The following BCAS1 variants were observed in gnomAD, a reference collection of about 807,000 sequenced individuals.
BCAS1 encodes the protein breast carcinoma-amplified sequence 1.
A neutral mutation model predicts 65.4 loss-of-function variants in BCAS1; 46 were observed. The observed-to-expected ratio is 0.70, with a 90% CI of 0.55 to 0.90. BCAS1 has a LOEUF of 0.90. BCAS1 is among the 40% of genes least tolerant of loss of function. BCAS1 has a pLI of 0.00. For missense variants in BCAS1, 793 were observed against 771.2 expected (o/e 1.03, Z -0.33); for synonymous variants, 298 against 293.5 (o/e 1.02, Z -0.16).
At chr20:53,958,057 C>G (rs2089758123) in intron 10 of BCAS1, among the ~76,000 whole-genome samples, 1 of 152,090 alleles carries the variant, frequency 6.6e-6, no homozygotes, top group Admixed American at 6.5e-5. Context: ...ATTCCAGGAC[C>G]AGCAGCTTCA....
intron 3 of BCAS1, among the ~76,000 whole-genome samples, chr20:54,041,713 C>A (rs1201197315): frequency 6.6e-6 from 1 of 151,840 alleles, no homozygotes; most frequent in Non-Finnish European, 1.5e-5. Flanking sequence ...GAAACACTGT[C>A]TCTGCTAAAA....
intron 7 of BCAS1, among the ~76,000 whole-genome samples, chr20:53,986,899 A>G (rs903930716): frequency 6.6e-6 from 1 of 152,188 alleles, no homozygotes; most frequent in Non-Finnish European, 1.5e-5. Flanking sequence ...CAAAAAAAAT[A>G]TAGAATATGG....
chr20:54,023,845 T>C (rs1467475812), intron 4 of BCAS1, among the ~76,000 whole-genome samples: 1 of 152,228 alleles, frequency 6.6e-6, no homozygotes, highest in Non-Finnish European at 1.5e-5. Flanking sequence ...CTTGTGCCTT[T>C]GGTTATACAA....
intron 2 of BCAS1, among the ~76,000 whole-genome samples, chr20:54,058,421 G>A (rs1225035696): frequency 6.6e-6 from 1 of 151,928 alleles, no homozygotes; most frequent in African/African-American, 2.4e-5. Context: ...CCCGTCGCAC[G>A]GAGGGGACCC....
At chr20:54,041,171 G>C (rs1447023211) in intron 3 of BCAS1, among the ~76,000 whole-genome samples, 2 of 151,368 alleles carry the variant, frequency 1.3e-5, no homozygotes, top group Non-Finnish European at 3.0e-5. Flanking sequence ...GCCAGTGGCT[G>C]GGAATAGGGA....
Position 53,944,531 on chromosome 20 carries a change from A to C in BCAS1, c.*391T>G, listed in dbSNP as rs926813048. 1 of 201,554 alleles carries C rather than the reference A, an allele frequency of 5.0e-6. No homozygotes were observed. The highest frequency in any genetic ancestry group is 5.3e-5 in the Admixed American group (1 of 18,992). The allele number at this position is 201,554 out of a possible 1,614,324, so 12.5% of individuals were successfully genotyped here. ...ATGATGTTGGCCAGGCTAGTCTTGA[A>C]CTCCTGACCTCAGGTGATCCACCTG... On this transcript the variant is annotated 3_prime_UTR_variant, in exon 13 of 13. Coordinates refer to ENST00000688948, the MANE Select transcript of BCAS1 (RefSeq NM_001366298.2).
At chr20:54,003,367 C>T (rs2091107379) in intron 4 of BCAS1, among the ~76,000 whole-genome samples, 1 of 152,044 alleles carries the variant, frequency 6.6e-6, no homozygotes, top group Non-Finnish European at 1.5e-5. Context: ...GTACACTGTG[C>T]TCTCCAGCTT....
chr20:53,980,446 T>C (rs1401324558), intron 8 of BCAS1, among the ~76,000 whole-genome samples: 3 of 152,138 alleles, frequency 2.0e-5, no homozygotes, highest in Non-Finnish European at 4.4e-5. Context: ...CTGAAAAAAA[T>C]AGTAATGCTA....
intron 10 of BCAS1, 150 bp from the exon 11 acceptor site, chr20:53,957,647 G>C: frequency 1.5e-6 from 1 of 669,624 alleles, no homozygotes. Flanking sequence ...GTTACTCATT[G>C]GATATAGAGA....
intron 4 of BCAS1, among the ~76,000 whole-genome samples, chr20:53,999,646 T>C (rs2091008485): frequency 6.6e-6 from 1 of 152,192 alleles, no homozygotes; most frequent in Admixed American, 6.5e-5. Flanking sequence ...AAGTAGGCTG[T>C]TGCCTCAGGA....
At chr20:54,017,455 G>A (rs2091463973) in intron 4 of BCAS1, among the ~76,000 whole-genome samples, 1 of 151,154 alleles carries the variant, frequency 6.6e-6, no homozygotes, top group Admixed American at 6.6e-5. Flanking sequence ...GAGTGCAGTG[G>A]TGCGATCTCG....
intron 10 of BCAS1, 91 bp downstream of exon 10, chr20:53,966,815 T>C (rs1198797906): frequency 7.2e-6 from 9 of 1,252,328 alleles, no homozygotes; most frequent in Non-Finnish European, 1.0e-5. Flanking sequence ...CAGCTACAAT[T>C]ATGTCTCCTA....
At chr20:54,011,219 C>T (rs2091312417) in intron 4 of BCAS1, among the ~76,000 whole-genome samples, 2 of 151,816 alleles carry the variant, frequency 1.3e-5, no homozygotes, top group African/African-American at 4.8e-5. Flanking sequence ...AAAAAGAAAA[C>T]ATAATAAATT....
intron 12 of BCAS1, among the ~76,000 whole-genome samples, chr20:53,947,396 G>A (rs1400988898): frequency 1.3e-5 from 2 of 152,028 alleles, no homozygotes; most frequent in Non-Finnish European, 2.9e-5. Flanking sequence ...ATAGTTTTGG[G>A]GCATCAAGAG....
At chr20:53,999,981 C>T (rs1256992363) in intron 4 of BCAS1, among the ~76,000 whole-genome samples, 2 of 152,130 alleles carry the variant, frequency 1.3e-5, no homozygotes, top group East Asian at 1.9e-4. Context: ...CCCCTCACCT[C>T]GGCCTCCCAA....
chr20:54,044,780 G>A (rs1385066737), intron 3 of BCAS1, among the ~76,000 whole-genome samples: 3 of 150,462 alleles, frequency 2.0e-5, no homozygotes, highest in African/African-American at 7.4e-5. Context: ...GGAGGTTGCA[G>A]TGAGCTGAGA....
In BCAS1 at chr20:54,040,898, G is replaced by C. The variant is rs1286700476; in HGVS notation, c.143-11926C>G. On this transcript the variant is annotated intron_variant, in intron 3 of 12. Transcript: ENST00000688948. Reference sequence around the variant, plus strand: ...AACTTGTACACAAATGTCCATAGCAGCATTTTCATAATAGCTGAAAAGTGG... The same window carrying C: ...AACTTGTACACAAATGTCCATAGCACCATTTTCATAATAGCTGAAAAGTGG... Among the ~76,000 whole-genome samples the C allele has an allele frequency of 2.6e-5, 4 of 151,294 alleles. 1 individual carries two copies. The highest frequency in any genetic ancestry group is 3.0e-5 in the Non-Finnish European group (2 of 67,630).
intron 4 of BCAS1, among the ~76,000 whole-genome samples, chr20:54,017,130 A>C (rs2091455484): frequency 6.6e-6 from 1 of 152,158 alleles, no homozygotes; most frequent in African/African-American, 2.4e-5. Flanking sequence ...AAAGAAATCT[A>C]TCTAAGAAAG....
chr20:54,058,123 A>C lies in BCAS1; in HGVS notation c.104T>G (p.Val35Gly), dbSNP rs770776723. Residue 35 changes from valine (V) to glycine (G), a missense_variant, in exon 3 of 13, where the codon GTG (valine) becomes GGG (glycine). Transcript: ENST00000688948. Reference protein sequence around the residue: ...DNASALNGVPVVVSTHTVQHL... With the variant: ...DNASALNGVPGVVSTHTVQHL... ...CTGAACTGTGTGGGTCGACACCACCACTGGAACCCCGTTCAGAGCAGACGC... is the reference window on the plus strand; with the variant it reads ...CTGAACTGTGTGGGTCGACACCACCCCTGGAACCCCGTTCAGAGCAGACGC... 6.2e-6 allele frequency: 10 copies of C among 1,613,494 alleles called. No homozygotes were observed. The highest frequency in any genetic ancestry group is 1.3e-5 in the African/African-American group (1 of 74,724).
Sources: gnomAD v4.1 joint callset for allele counts (sites outside exome capture counted in the v4.1 genomes callset) on GRCh38, gnomAD v4.1.1 for gene constraint, MANE v1.5 for transcripts, NCBI Gene and HGNC (gene_info 2026-07-23, HGNC 2026-07-21) for gene names.